The following SOX5 variants were observed in gnomAD, a reference collection of about 807,000 sequenced individuals.
SOX5 encodes transcription factor SOX-5.
A neutral mutation model predicts 92.0 loss-of-function variants in SOX5; 9 were observed. That is an observed-to-expected ratio of 0.10 (90% CI 0.06 to 0.17). The LOEUF is 0.17. SOX5 is among the 10% of genes least tolerant of loss of function. The pLI is 1.00. For synonymous variants in SOX5, 344 were observed against 336.3 expected, an observed-to-expected ratio of 1.02 and a Z score of -0.25; for missense variants, 642 against 944.5, an observed-to-expected ratio of 0.68 and a Z score of 4.20.
intron 1 of SOX5, among the ~76,000 whole-genome samples, chr12:24,385,926 C>CAAAAAAAAAAAAAAAAAAAAAAAAAA (rs35813329): frequency 1.4e-5 from 1 of 73,394 alleles, no homozygotes; most frequent in Non-Finnish European, 2.5e-5. Flanking sequence ...GACCTTGTCA[C>CAAAAAAAAAAAAAAAAAAAAAAAAAA]AAAAAAAAAA....
intron 7 of SOX5, among the ~76,000 whole-genome samples, chr12:23,651,905 G>A (rs1180130212): frequency 6.6e-6 from 1 of 151,640 alleles, no homozygotes; most frequent in Non-Finnish European, 1.5e-5. Context: ...TATTTAGAAG[G>A]CTGATTATGG....
chr12:23,893,798 T>C (rs2137621246), intron 2 of SOX5, among the ~76,000 whole-genome samples: 1 of 152,308 alleles, frequency 6.6e-6, no homozygotes, highest in Non-Finnish European at 1.5e-5. Flanking sequence ...GTACTACCCA[T>C]TGTCTCCTTT....
chr12:23,906,514 C>A (rs919023509), intron 1 of SOX5, among the ~76,000 whole-genome samples: 1 of 152,172 alleles, frequency 6.6e-6, no homozygotes, highest in Non-Finnish European at 1.5e-5. Context: ...CAGCGCCAGA[C>A]TGGAGTCATA....
At chr12:24,055,443 G>C (rs1466259046) in intron 4 of SOX5, among the ~76,000 whole-genome samples, 1 of 152,174 alleles carries the variant, frequency 6.6e-6, no homozygotes, top group Non-Finnish European at 1.5e-5. Context: ...AATCAGAAAG[G>C]AAAGTTCACA....
rs567112411 is a variant in SOX5, at chr12:23,871,406, C to G, written c.270+24387G>C. Among the ~76,000 whole-genome samples the G allele has an allele frequency of 3.3e-4, 50 of 152,164 alleles. 1 individual carries two copies. In the South Asian group the frequency reaches 0.01, roughly 31 times the overall value. ...TCAAGCTACTAAAGGATTGTGATAACAAACTGACCTGTAAATATGAATGAA... is the reference window on the plus strand; with the variant it reads ...TCAAGCTACTAAAGGATTGTGATAAGAAACTGACCTGTAAATATGAATGAA... On this transcript the variant is annotated intron_variant, in intron 2 of 14. Transcript: ENST00000451604.
chr12:23,658,347 G>T (rs2082582479), intron 7 of SOX5, among the ~76,000 whole-genome samples: 1 of 152,128 alleles, frequency 6.6e-6, no homozygotes, highest in Non-Finnish European at 1.5e-5. Context: ...ATTATGGAAT[G>T]TTGTATACAT....
At chr12:23,689,134 G>C (rs2088241973) in intron 6 of SOX5, among the ~76,000 whole-genome samples, 1 of 151,988 alleles carries the variant, frequency 6.6e-6, no homozygotes, top group South Asian at 2.1e-4. Context: ...AGGCCATTTA[G>C]AGCTAATCTG....
chr12:23,921,627 C>T (rs918672090), intron 1 of SOX5, among the ~76,000 whole-genome samples: 4 of 152,072 alleles, frequency 2.6e-5, no homozygotes, highest in African/African-American at 7.2e-5. Context: ...TCCCTGTAAA[C>T]CAAGGAGGTA....
rs2094168348 is a variant in SOX5 at position 23,751,124 on chromosome 12, A to C, written c.568+4514T>G. On this transcript the variant is annotated intron_variant, in intron 4 of 14. Coordinates refer to ENST00000451604, the MANE Select transcript of SOX5 (RefSeq NM_006940.6). ...CTTAGTTAGATTAAAAACATTAAAC[A>C]TTTACTTTATTTAGAAGTAAATGAC... Among the ~76,000 whole-genome samples the C allele has an allele frequency of 2.0e-5, 3 of 151,894 alleles. No homozygotes were observed. In the South Asian group the frequency reaches 6.2e-4, roughly 31 times the overall value.
At chr12:23,928,363 A>G (rs904008974) in intron 1 of SOX5, among the ~76,000 whole-genome samples, 7 of 152,010 alleles carry the variant, frequency 4.6e-5, no homozygotes, top group African/African-American at 1.7e-4. Flanking sequence ...AAGGAATTTT[A>G]TGGGAATTGA....
rs11302877 is a variant in SOX5, at chr12:24,076,699, C to CTTTTTTTTTTTTT, written c.-2+136631_-2+136643dup. The stretch of plus-strand genomic sequence containing the variant: ...AATACTAAAAAAGATCCAAAGCTGC[C>CTTTTTTTTTTTTT]TTTTTTTTTTTTTTTTTTTTTGTAA... On this transcript the variant is annotated intron_variant, in intron 4 of 4. Transcript: ENST00000446891. Among the ~76,000 whole-genome samples the CTTTTTTTTTTTTT allele has an allele frequency of 4.9e-5, 5 of 102,864 alleles. 1 individual carries two copies. The highest frequency in any genetic ancestry group is 9.5e-5 in the Non-Finnish European group (5 of 52,406). The allele number at this position is 102,864 out of a possible 152,430, so 67.5% of individuals were successfully genotyped here.
chr12:23,683,907 G>A (rs1366499703), intron 6 of SOX5, among the ~76,000 whole-genome samples: 2 of 151,816 alleles, frequency 1.3e-5, no homozygotes, highest in African/African-American at 2.4e-5. Context: ...AGCCCATAGA[G>A]TTAAAAATAT....
intron 2 of SOX5, among the ~76,000 whole-genome samples, chr12:23,857,820 C>G (rs531105397): frequency 8.6e-4 from 130 of 151,982 alleles, no homozygotes; most frequent in African/African-American, 3.0e-3. Context: ...GCAACCTCCC[C>G]CTCCCAGGTT....
At chr12:23,816,812 T>A (rs1454863517) in intron 3 of SOX5, among the ~76,000 whole-genome samples, 1 of 152,116 alleles carries the variant, frequency 6.6e-6, no homozygotes, top group African/African-American at 2.4e-5. Context: ...CCCACTTTAA[T>A]ACAGGTCTCT....
At chr12:24,152,197 T>C (rs1951725964) in intron 4 of SOX5, among the ~76,000 whole-genome samples, 1 of 152,200 alleles carries the variant, frequency 6.6e-6, no homozygotes, top group Admixed American at 6.6e-5. Flanking sequence ...ACATATGTCA[T>C]GGGTACAACT....
intron 4 of SOX5, among the ~76,000 whole-genome samples, chr12:23,967,080 CA>C (rs988303097): frequency 2.0e-5 from 3 of 151,984 alleles, no homozygotes; most frequent in Non-Finnish European, 2.9e-5. Context: ...AGAAATGAAA[CA>C]AAAACATTAA....
chr12:24,015,449 C>T (rs1008016988), intron 4 of SOX5, among the ~76,000 whole-genome samples: 1 of 152,070 alleles, frequency 6.6e-6, no homozygotes, highest in Non-Finnish European at 1.5e-5. Context: ...TAAAGAGGGC[C>T]CTTCTAAAGC....
At chr12:23,740,397 A>G (rs904420074) in intron 5 of SOX5, among the ~76,000 whole-genome samples, 2 of 152,132 alleles carry the variant, frequency 1.3e-5, no homozygotes, top group Admixed American at 6.5e-5. Flanking sequence ...CATTACCCTG[A>G]CTAATTTAGA....
intron 1 of SOX5, among the ~76,000 whole-genome samples, chr12:24,452,568 G>T (rs1005749295): frequency 2.6e-5 from 4 of 152,118 alleles, no homozygotes; most frequent in African/African-American, 7.2e-5. Flanking sequence ...GCACTAAAAA[G>T]AATTTGAAGA....
Sources: allele counts gnomAD v4.1 joint callset (sites outside exome capture counted in the v4.1 genomes callset), GRCh38; gene constraint gnomAD v4.1.1; transcripts MANE v1.5; gene names NCBI Gene and HGNC (gene_info 2026-07-23, HGNC 2026-07-21).